The following CDK7 variants were observed in gnomAD, a reference collection of about 807,000 sequenced individuals.
CDK7 encodes cyclin-dependent kinase 7.
A neutral mutation model predicts 49.1 loss-of-function variants in CDK7; 25 were observed. The observed-to-expected ratio is 0.51, with a 90% CI of 0.37 to 0.71. The LOEUF is 0.71. CDK7 is among the 30% of genes least tolerant of loss of function. The pLI, the probability that CDK7 is intolerant of heterozygous loss-of-function variation, is 0.00. For missense variants in CDK7, 316 were observed against 411.7 expected, an observed-to-expected ratio of 0.77 and a Z score of 2.01; for synonymous variants, 107 against 140.0, an observed-to-expected ratio of 0.76 and a Z score of 1.67.
chr5:69,271,627 T>G (rs1025022614), intron 9 of CDK7, among the ~76,000 whole-genome samples: 2 of 150,476 alleles, frequency 1.3e-5, no homozygotes, highest in Non-Finnish European at 3.0e-5. Flanking sequence ...TCCTCCCACC[T>G]CAGCCTCTTG....
intron 8 of CDK7, among the ~76,000 whole-genome samples, chr5:69,265,259 C>T (rs1751072457): frequency 6.7e-6 from 1 of 149,296 alleles, no homozygotes; most frequent in African/African-American, 2.5e-5. Flanking sequence ...AGCGAGACTC[C>T]GTCTCAAAAA....
intron 9 of CDK7, among the ~76,000 whole-genome samples, chr5:69,271,084 C>T (rs1297308573): frequency 6.6e-6 from 1 of 152,194 alleles, no homozygotes; most frequent in Non-Finnish European, 1.5e-5. Flanking sequence ...ACATTCTCAT[C>T]AGCAGTAAAT....
In CDK7 at chr5:69,250,721, C is replaced by T. The variant is rs557119722; in HGVS notation, c.127-1697C>T. 119 of 456,642 alleles carry T rather than the reference C, an allele frequency of 2.6e-4. 1 individual carries two copies. The highest frequency in any genetic ancestry group is 1.6e-3 in the Middle Eastern group (5 of 3,072). 28.3% of individuals were successfully genotyped at this position (456,642 alleles called of 1,614,324 possible). ...GCTGCAAGACAGAATCTCCTTTACT[C>T]TTCCCTCTCATTTTCTCAAACAGGA... On this transcript the variant is annotated intron_variant, in intron 2 of 11. Transcript: ENST00000256443.
chr5:69,252,291 G>C, intron 2 of CDK7, 127 bp from the exon 3 acceptor site: 1 of 670,146 alleles, frequency 1.5e-6, no homozygotes, highest in Non-Finnish European at 2.7e-6. Flanking sequence ...TGCCTAGTAG[G>C]TACATATTGG....
Position 69,267,596 on chromosome 5 carries a change from C to T in CDK7, c.628-1611C>T, listed in dbSNP as rs142988054. ...ACAGGAGTGAGCCACCACACCTGGC[C>T]ATCTATAAGGATTCTTTAATCATAA... On this transcript the variant is annotated intron_variant, in intron 8 of 11. Transcript: ENST00000256443. 8.8e-4 allele frequency among the ~76,000 whole-genome samples: 134 copies of T among 152,140 alleles called. 1 individual carries two copies. Among genetic ancestry groups the T allele is most frequent in the African/African-American group, 3.2e-3 (132 of 41,518 alleles).
intron 8 of CDK7, among the ~76,000 whole-genome samples, chr5:69,265,058 T>G (rs189444237): frequency 1.5e-4 from 22 of 151,590 alleles, no homozygotes; most frequent in Admixed American, 5.9e-4. Flanking sequence ...GGTGAGGAGA[T>G]AGAGACCATC....
intron 2 of CDK7, among the ~76,000 whole-genome samples, chr5:69,251,831 G>A (rs955056335): frequency 3.9e-5 from 6 of 152,142 alleles, no homozygotes; most frequent in African/African-American, 9.7e-5. Flanking sequence ...ACTACACCCC[G>A]CCAGTCTTTT....
intron 7 of CDK7, among the ~76,000 whole-genome samples, chr5:69,260,551 CATCT>C (rs1255868303): frequency 6.6e-6 from 1 of 152,122 alleles, no homozygotes; most frequent in East Asian, 1.9e-4. Context: ...TCTACCTAAT[CATCT>C]GATTTATTGG....
chr5:69,256,499 G>A (rs774923841), intron 5 of CDK7, among the ~76,000 whole-genome samples: 3 of 151,890 alleles, frequency 2.0e-5, no homozygotes, highest in South Asian at 2.1e-4. Context: ...GATTACAAGC[G>A]CCCATCACCA....
At chr5:69,264,798 C>T (rs1751037545) in intron 8 of CDK7, among the ~76,000 whole-genome samples, 1 of 151,536 alleles carries the variant, frequency 6.6e-6, no homozygotes, top group Admixed American at 6.6e-5. Flanking sequence ...TGGAGAAACA[C>T]TATCTCTACT....
At chr5:69,252,676 A>G (rs1458436729) in intron 3 of CDK7, among the ~76,000 whole-genome samples, 1 of 151,784 alleles carries the variant, frequency 6.6e-6, no homozygotes, top group Non-Finnish European at 1.5e-5. Flanking sequence ...CTTGTGGTTA[A>G]TGTTTTATTT....
chr5:69,276,503 T>A (rs1030942319), intron 10 of CDK7, 40 bp from the exon 11 acceptor site: 51 of 1,589,730 alleles, frequency 3.2e-5, no homozygotes, highest in Non-Finnish European at 4.4e-5. Flanking sequence ...ACATTTCAGA[T>A]ACTCACCTAC....
At chr5:69,255,948 C>T (rs553807445) in intron 5 of CDK7, 1 of 169,616 alleles carries the variant, frequency 5.9e-6, no homozygotes, top group East Asian at 1.8e-4. Flanking sequence ...TTCAGCCTCC[C>T]AAGTAGCTGG....
chr5:69,251,939 T>C (rs1233067168), intron 2 of CDK7, among the ~76,000 whole-genome samples: 1 of 152,250 alleles, frequency 6.6e-6, no homozygotes. Context: ...TAATTTGTTA[T>C]GTTTATTCAG....
In CDK7 at chr5:69,235,436, A is replaced by T. The variant is rs748896779; in HGVS notation, c.109A>T (p.Ile37Phe). 6.2e-6 allele frequency: 10 copies of T among 1,601,280 alleles called. No homozygotes were observed. The highest frequency in any genetic ancestry group is 6.8e-6 in the Non-Finnish European group (8 of 1,168,776). The part of the protein sequence containing the change: ...YKARDKNTNQ[I>F]VAIKKIKLGH... ...GGCCAGAGATAAGAACACCAACCAA[A>T]TTGTCGCCATTAAGAAAGTGAGTTA... Residue 37 changes from isoleucine to phenylalanine, a missense_variant, in exon 2 of 12, where the codon ATT becomes TTT. Coordinates refer to ENST00000256443, the MANE Select transcript of CDK7 (RefSeq NM_001799.4).
chr5:69,244,093 A>T (rs954770550), intron 2 of CDK7, among the ~76,000 whole-genome samples: 1 of 152,074 alleles, frequency 6.6e-6, no homozygotes, highest in African/African-American at 2.4e-5. Flanking sequence ...TGGCCTCCCA[A>T]AATGCGGGGA....
At chr5:69,244,610 T>C (rs1749605921) in intron 2 of CDK7, among the ~76,000 whole-genome samples, 1 of 132,414 alleles carries the variant, frequency 7.6e-6, no homozygotes, top group African/African-American at 2.9e-5. Flanking sequence ...CACTCCAGCC[T>C]GGGCAACAAG....
chr5:69,266,538 G>A (rs565441851), intron 8 of CDK7, among the ~76,000 whole-genome samples: 40 of 152,228 alleles, frequency 2.6e-4, no homozygotes, highest in Admixed American at 2.3e-3. Context: ...AAACCAACGG[G>A]AAGACATGAG....
At chr5:69,269,886 A>G (rs1021285265) in intron 9 of CDK7, among the ~76,000 whole-genome samples, 1 of 150,912 alleles carries the variant, frequency 6.6e-6, no homozygotes, top group African/African-American at 2.4e-5. Context: ...CTTGGCTAAC[A>G]TGATTTTCTA....
Sources: gnomAD v4.1 joint callset for allele counts (sites outside exome capture counted in the v4.1 genomes callset) on GRCh38, gnomAD v4.1.1 for gene constraint, MANE v1.5 for transcripts, NCBI Gene and HGNC (gene_info 2026-07-23, HGNC 2026-07-21) for gene names.